The following PTPRQ variants were observed in gnomAD, a reference collection of about 807,000 sequenced individuals.
PTPRQ encodes the protein protein tyrosine phosphatase receptor type Q, also known as phosphatidylinositol phosphatase PTPRQ.
In PTPRQ, 199 loss-of-function variants were observed where a neutral mutation model predicts 246.0. The ratio of observed to expected loss-of-function variants is 0.81; its 90% CI spans 0.72 to 0.91. The LOEUF is 0.91. PTPRQ is among the 40% of genes least tolerant of loss of function. The probability of loss-of-function intolerance (pLI) is 0.00; values close to 1 mark genes in which losing one functional copy is unlikely to be tolerated. For missense variants in PTPRQ, 2,624 were observed against 2,528.4 expected (o/e 1.04, Z -0.81); for synonymous variants, 869 against 853.2 (o/e 1.02, Z -0.32).
intron 26 of PTPRQ, among the ~76,000 whole-genome samples, chr12:80,596,777 G>GA (rs1245946178): frequency 7.9e-5 from 12 of 151,956 alleles, no homozygotes; most frequent in Non-Finnish European, 1.8e-4. Context: ...ATTTAACTAT[G>GA]AAAATTCCAA....
At chr12:80,673,088 A>T in intron 42 of PTPRQ, 81 bp from the exon 43 acceptor site, 2 of 1,506,092 alleles carry the variant, frequency 1.3e-6, no homozygotes, top group South Asian at 2.6e-5. Flanking sequence ...ATTTATTGCT[A>T]TCATAGCTCA....
At chr12:80,525,538 CAGCGGAA>C (rs1895656108) in intron 17 of PTPRQ, among the ~76,000 whole-genome samples, 1 of 152,072 alleles carries the variant, frequency 6.6e-6, no homozygotes, top group Non-Finnish European at 1.5e-5. Context: ...CTTGCGAGTG[CAGCGGAA>C]AGCCCGTGGA....
At chr12:80,612,793 A>G (rs1237638822) in intron 28 of PTPRQ, among the ~76,000 whole-genome samples, 1 of 150,460 alleles carries the variant, frequency 6.6e-6, no homozygotes, top group Non-Finnish European at 1.5e-5. Flanking sequence ...ATGTTTTTCC[A>G]TGATTAAACA....
intron 31 of PTPRQ, 48 bp downstream of exon 31, chr12:80,619,590 A>G (rs990856981): frequency 8.0e-6 from 11 of 1,377,258 alleles, no homozygotes; most frequent in Admixed American, 2.8e-5. Flanking sequence ...AGTGTAGATT[A>G]CTGAGTGCTA....
chr12:80,567,996 T>C (rs1352445579), intron 25 of PTPRQ, among the ~76,000 whole-genome samples: 1 of 152,202 alleles, frequency 6.6e-6, no homozygotes, highest in African/African-American at 2.4e-5. Context: ...TGATTCATTA[T>C]GTTGGATACT....
At chr12:80,655,380 T>G (rs1041053847) in intron 38 of PTPRQ, among the ~76,000 whole-genome samples, 1 of 152,176 alleles carries the variant, frequency 6.6e-6, no homozygotes, top group Non-Finnish European at 1.5e-5. Flanking sequence ...AAAATATTAG[T>G]TCTTATCTTA....
chr12:80,652,439 T>G (rs950920802), intron 37 of PTPRQ, among the ~76,000 whole-genome samples: 1 of 152,078 alleles, frequency 6.6e-6, no homozygotes, highest in African/African-American at 2.4e-5. Flanking sequence ...GTGTACCTGA[T>G]GAAACCATTA....
chr12:80,597,659 A>T (rs1898012635), intron 26 of PTPRQ, among the ~76,000 whole-genome samples: 1 of 151,998 alleles, frequency 6.6e-6, no homozygotes, highest in Non-Finnish European at 1.5e-5. Context: ...TCTGAAGAGC[A>T]GTGTCACTAT....
In PTPRQ at chr12:80,496,038, C is replaced by A. The variant is rs763564412; in HGVS notation, c.1922C>A (p.Ala641Asp). The A allele has an allele frequency of 2.3e-5, 35 of 1,549,960 alleles. No individual in the cohort carries two copies. Among genetic ancestry groups the A allele is most frequent in the Non-Finnish European group, 3.0e-5 (34 of 1,146,254 alleles). Reference protein sequence around the residue: ...KYTKYKMRVAASTHVGESSLS... With the variant: ...KYTKYKMRVADSTHVGESSLS... ...ACAAAATACAAAATGAGAGTGGCAGCCTCAACCCACGTTGGAGAAAGTTCT... is the reference window on the plus strand; with the variant it reads ...ACAAAATACAAAATGAGAGTGGCAGACTCAACCCACGTTGGAGAAAGTTCT... Residue 641 changes from alanine to aspartate, a missense_variant, in exon 13 of 45, where the codon GCC (alanine) becomes GAC (aspartate). Physicochemically the swap from Ala to Asp is moderately radical, Grantham distance 126. Transcript: ENST00000644991.
intron 33 of PTPRQ, among the ~76,000 whole-genome samples, chr12:80,630,906 G>A (rs1899406673): frequency 1.3e-5 from 2 of 151,908 alleles, no homozygotes; most frequent in South Asian, 2.1e-4. Flanking sequence ...TAGTAGAGAC[G>A]GGGTTTCACC....
At chr12:80,572,945 T>C (rs990646062) in intron 25 of PTPRQ, among the ~76,000 whole-genome samples, 2 of 152,160 alleles carry the variant, frequency 1.3e-5, no homozygotes, top group Admixed American at 6.5e-5. Context: ...TCAGGATAGG[T>C]ATTGGTCTAT....
At chr12:80,663,827 C>T (rs1486318913) in intron 39 of PTPRQ, among the ~76,000 whole-genome samples, 1 of 151,882 alleles carries the variant, frequency 6.6e-6, no homozygotes, top group Non-Finnish European at 1.5e-5. Flanking sequence ...AGATGTCTCA[C>T]TATCTGTCCA....
intron 42 of PTPRQ, among the ~76,000 whole-genome samples, chr12:80,671,376 A>G (rs1192270635): frequency 6.6e-6 from 1 of 152,102 alleles, no homozygotes; most frequent in African/African-American, 2.4e-5. Flanking sequence ...GATTGATTTT[A>G]TGCTGGCATC....
In PTPRQ at chr12:80,495,220, TA is replaced by T. The variant is rs1283638306; in HGVS notation, c.1736del (p.Asn579IlefsTer21). 2.0e-6 allele frequency: 3 copies of T among 1,538,446 alleles called. No individual in the cohort carries two copies. Among genetic ancestry groups the T allele is most frequent in the Middle Eastern group, 3.6e-4 (2 of 5,632 alleles). Reference sequence around the variant, plus strand: ...CAAGCTCCATTAAAATTATAAACTATAAAAATATTAGTTCTTCATCTATTTT... The same window carrying T: ...CAAGCTCCATTAAAATTATAAACTATAAAATATTAGTTCTTCATCTATTTT... ...VPSSIKIINY[K>X]NISSSSILLY... is the part of the protein sequence containing the mutation. On this transcript the variant is annotated frameshift_variant, in exon 12 of 45. Transcript: ENST00000644991. LOFTEE classifies it high-confidence loss of function.
chr12:80,632,106 T>C, intron 33 of PTPRQ, 86 bp from the exon 34 acceptor site: 1 of 1,458,696 alleles, frequency 6.9e-7, no homozygotes, highest in Non-Finnish European at 9.2e-7. Context: ...TATTTTCTTA[T>C]GCCAAGATAA....
chr12:80,509,142 C>T (rs1021082156), intron 16 of PTPRQ, among the ~76,000 whole-genome samples: 2 of 151,832 alleles, frequency 1.3e-5, no homozygotes, highest in African/African-American at 4.8e-5. Flanking sequence ...TATTATAGTG[C>T]CAGTGAAAAT....
At chr12:80,647,345 A>G (rs898448339) in intron 35 of PTPRQ, among the ~76,000 whole-genome samples, 1 of 152,202 alleles carries the variant, frequency 6.6e-6, no homozygotes, top group Non-Finnish European at 1.5e-5. Flanking sequence ...TAATCAAAGC[A>G]TCTCAGTCAT....
chr12:80,559,902 A>T (rs1315846731), intron 25 of PTPRQ, among the ~76,000 whole-genome samples: 1 of 152,148 alleles, frequency 6.6e-6, no homozygotes, highest in Non-Finnish European at 1.5e-5. Context: ...TGTACACTTA[A>T]CTTCCACTTC....
chr12:80,499,832 C>T (rs1894741681), intron 14 of PTPRQ, among the ~76,000 whole-genome samples: 1 of 151,576 alleles, frequency 6.6e-6, no homozygotes, highest in Admixed American at 6.6e-5. Flanking sequence ...TGCAGTTTTC[C>T]AATAAGCCTA....
Sources: allele counts gnomAD v4.1 joint callset (sites outside exome capture counted in the v4.1 genomes callset), GRCh38; gene constraint gnomAD v4.1.1; transcripts MANE v1.5; gene names NCBI Gene and HGNC (gene_info 2026-07-23, HGNC 2026-07-21).